The following NKAIN3 variants were observed in gnomAD, a reference collection of about 807,000 sequenced individuals.
NKAIN3 encodes the protein sodium/potassium transporting ATPase interacting 3.
Under a neutral mutation model 30.2 loss-of-function variants are expected in NKAIN3, and 25 were observed. The observed-to-expected ratio is 0.83, with a 90% confidence interval of 0.60 to 1.16. The LOEUF is 1.16. Ranked by LOEUF, NKAIN3 falls within the 50% of genes most tolerant of loss-of-function variation. The pLI is 0.00. For missense variants in NKAIN3, 225 were observed against 254.1 expected, an observed-to-expected ratio of 0.89 and a Z score of 0.78; for synonymous variants, 91 against 89.6, an observed-to-expected ratio of 1.02 and a Z score of -0.09.
chr8:62,610,598 T>A (rs1259083066), intron 3 of NKAIN3, among the ~76,000 whole-genome samples: 1 of 152,144 alleles, frequency 6.6e-6, no homozygotes, highest in Admixed American at 6.6e-5. Flanking sequence ...CAGAGAAAAC[T>A]GATGAACAGC....
intron 1 of NKAIN3, among the ~76,000 whole-genome samples, chr8:62,399,460 G>A (rs1466081214): frequency 2.0e-5 from 3 of 152,116 alleles, no homozygotes; most frequent in African/African-American, 4.8e-5. Context: ...AGCCAAGATC[G>A]CGCCACTGCT....
intron 1 of NKAIN3, among the ~76,000 whole-genome samples, chr8:62,294,201 G>A (rs1196933826): frequency 6.6e-6 from 1 of 152,108 alleles, no homozygotes; most frequent in Non-Finnish European, 1.5e-5. Context: ...GCGTTGCTCT[G>A]CCCTTCTCCA....
At chr8:62,893,990 T>C (rs546627271) in intron 4 of NKAIN3, among the ~76,000 whole-genome samples, 5 of 152,270 alleles carry the variant, frequency 3.3e-5, no homozygotes, top group Non-Finnish European at 5.9e-5. Flanking sequence ...GGACATAAAA[T>C]AATACTACCA....
Position 62,391,949 on chromosome 8 carries a change from T to A in NKAIN3, c.54+142822T>A, listed in dbSNP as rs558270983. On this transcript the variant is annotated intron_variant, in intron 1 of 6. Coordinates refer to ENST00000623646, the MANE Select transcript of NKAIN3 (RefSeq NM_001304533.3). ...CTGGCTCATTCTGTCTCAACTGGAA[T>A]AATTTATCTTTGGTGTATTAATCTC... 7.2e-5 allele frequency among the ~76,000 whole-genome samples: 11 copies of A among 152,112 alleles called. No individual in the cohort carries two copies. In the South Asian group the frequency reaches 2.3e-3, roughly 32 times the overall value.
chr8:62,894,986 A>G lies in NKAIN3; in HGVS notation c.472-23467A>G, dbSNP rs142449539. ...AGAGCTTTCTTGAAAATCCCACATCACATCTAATTGTTTAGCCTTTTAGGC... is the reference window on the plus strand; with the variant it reads ...AGAGCTTTCTTGAAAATCCCACATCGCATCTAATTGTTTAGCCTTTTAGGC... On this transcript the variant is annotated intron_variant, in intron 4 of 6. Coordinates refer to ENST00000623646, the MANE Select transcript of NKAIN3 (RefSeq NM_001304533.3). 4.0e-3 allele frequency among the ~76,000 whole-genome samples: 616 copies of G among 152,270 alleles called. 1 individual carries two copies. Among genetic ancestry groups the G allele is most frequent in the African/African-American group, 0.014 (595 of 41,556 alleles).
intron 4 of NKAIN3, among the ~76,000 whole-genome samples, chr8:62,783,521 A>C (rs550933832): frequency 6.6e-6 from 1 of 152,198 alleles, no homozygotes; most frequent in Non-Finnish European, 1.5e-5. Flanking sequence ...AGGATATAAA[A>C]GACCTCCACA....
At chr8:62,898,266 A>T (rs537455614) in intron 4 of NKAIN3, among the ~76,000 whole-genome samples, 2 of 152,264 alleles carry the variant, frequency 1.3e-5, no homozygotes, top group East Asian at 3.9e-4. Flanking sequence ...AAGCATGCAT[A>T]TTTTTATCAC....
rs763382633 is a variant in NKAIN3 at position 62,956,113 on chromosome 8, A to G, written c.603+2141A>G. 3.6e-4 allele frequency among the ~76,000 whole-genome samples: 55 copies of G among 152,200 alleles called. 1 individual carries two copies. Among genetic ancestry groups the G allele is most frequent in the Non-Finnish European group, 1.3e-4 (9 of 68,030 alleles). ...CTGTACTCTTCACCAGTATGCAAAT[A>G]TTTCAGCATTTATCCAGTCTGCCTC... On this transcript the variant is annotated intron_variant, in intron 6 of 6. Coordinates refer to ENST00000623646, the MANE Select transcript of NKAIN3 (RefSeq NM_001304533.3).
intron 5 of NKAIN3, among the ~76,000 whole-genome samples, chr8:62,951,937 T>C (rs1823294040): frequency 6.6e-6 from 1 of 152,076 alleles, no homozygotes; most frequent in African/African-American, 2.4e-5. Context: ...GTAGCTGGGA[T>C]TAGAGGTGTG....
chr8:62,636,850 A>G (rs561321239), intron 3 of NKAIN3, among the ~76,000 whole-genome samples: 1 of 152,312 alleles, frequency 6.6e-6, no homozygotes, highest in African/African-American at 2.4e-5. Flanking sequence ...GTGATGTTAA[A>G]TTGATATTTG....
At chr8:62,550,594 G>A (rs533449636) in intron 1 of NKAIN3, among the ~76,000 whole-genome samples, 2 of 152,304 alleles carry the variant, frequency 1.3e-5, no homozygotes, top group African/African-American at 4.8e-5. Flanking sequence ...AAAATGGAGA[G>A]TAGAAATGAG....
intron 4 of NKAIN3, among the ~76,000 whole-genome samples, chr8:62,884,862 C>G (rs1185664069): frequency 2.0e-5 from 3 of 151,490 alleles, no homozygotes; most frequent in Admixed American, 6.6e-5. Context: ...TGTCTTCTCC[C>G]TTTTTTTCTT....
chr8:62,817,807 A>G (rs1465560663), intron 4 of NKAIN3, among the ~76,000 whole-genome samples: 1 of 152,148 alleles, frequency 6.6e-6, no homozygotes, highest in Non-Finnish European at 1.5e-5. Context: ...CTCTCTAAAG[A>G]TTAAAACTTT....
intron 3 of NKAIN3, among the ~76,000 whole-genome samples, chr8:62,741,426 G>GGCAA (rs546975057): frequency 1.6e-5 from 2 of 122,592 alleles, no homozygotes; most frequent in African/African-American, 3.4e-5. Flanking sequence ...AAGGAAGGCA[G>GGCAA]GCAAGCAAGC....
chr8:62,737,980 G>A (rs1159854715), intron 3 of NKAIN3, among the ~76,000 whole-genome samples: 2 of 152,098 alleles, frequency 1.3e-5, no homozygotes, highest in Admixed American at 1.3e-4. Context: ...AAACATATGT[G>A]TGCATGTGTC....
intron 6 of NKAIN3, among the ~76,000 whole-genome samples, chr8:62,961,633 T>A (rs1296085580): frequency 1.3e-5 from 2 of 152,166 alleles, no homozygotes; most frequent in Non-Finnish European, 2.9e-5. Flanking sequence ...ACAACTTCTG[T>A]ATAACCAAAA....
At chr8:62,258,899 A>G (rs1409449579) in intron 1 of NKAIN3, among the ~76,000 whole-genome samples, 1 of 152,158 alleles carries the variant, frequency 6.6e-6, no homozygotes, top group Admixed American at 6.5e-5. Context: ...CAGATCAGCA[A>G]CAATGAAGAA....
intron 1 of NKAIN3, among the ~76,000 whole-genome samples, chr8:62,324,242 C>G (rs1007563099): frequency 2.0e-5 from 3 of 151,986 alleles, no homozygotes; most frequent in Non-Finnish European, 2.9e-5. Flanking sequence ...GAACTCTGTA[C>G]TTTCTGGTCA....
chr8:62,589,056 A>G (rs1810570440), intron 2 of NKAIN3, among the ~76,000 whole-genome samples: 1 of 151,902 alleles, frequency 6.6e-6, no homozygotes, highest in Admixed American at 6.6e-5. Flanking sequence ...AATAAAATCA[A>G]TTAATCAGTA....
Sources: allele counts gnomAD v4.1 joint callset (sites outside exome capture counted in the v4.1 genomes callset), GRCh38; gene constraint gnomAD v4.1.1; transcripts MANE v1.5; gene names NCBI Gene and HGNC (gene_info 2026-07-23, HGNC 2026-07-21).